VTI1A: variants seen among roughly 807,000 people sequenced by gnomAD.
The protein encoded by VTI1A is vesicle transport through interaction with t-SNAREs 1A.
In VTI1A, 22 loss-of-function variants were observed where a neutral mutation model predicts 34.9. The ratio of observed to expected loss-of-function variants is 0.63; its 90% CI spans 0.45 to 0.90. VTI1A has a LOEUF of 0.90. Ranked by LOEUF, VTI1A falls within the 40% of genes least tolerant of loss-of-function variation. VTI1A has a pLI of 0.00. For missense variants in VTI1A, 268 were observed against 275.6 expected, an observed-to-expected ratio of 0.97 and a Z score of 0.20; for synonymous variants, 87 against 97.3, an observed-to-expected ratio of 0.89 and a Z score of 0.62.
chr10:112,618,508 T>TAGAGAGAGAGAGAG (rs1360598727), intron 5 of VTI1A, among the ~76,000 whole-genome samples: 7 of 31,292 alleles, frequency 2.2e-4, no homozygotes, highest in Admixed American at 5.4e-4. Context: ...TATATATATA[T>TAGAGAGAGAGAGAG]ATATATATAT....
At chr10:112,661,672 G>C (rs1847456661) in intron 5 of VTI1A, among the ~76,000 whole-genome samples, 1 of 149,176 alleles carries the variant, frequency 6.7e-6, no homozygotes, top group Admixed American at 6.7e-5. Context: ...TTGGAAAGTT[G>C]TTCCATTGTG....
chr10:112,742,459 G>A (rs12217440), intron 7 of VTI1A, among the ~76,000 whole-genome samples: 22,963 of 152,198 alleles, frequency 0.15, 3,784 homozygotes, highest in African/African-American at 0.4. Flanking sequence ...TTGAGATGTG[G>A]TTGTATCCCT....
Position 112,680,848 on chromosome 10 carries a change from C to G in VTI1A, c.560+11850C>G, listed in dbSNP as rs1476348760. Among the ~76,000 whole-genome samples, 3 of 152,114 alleles carry G rather than the reference C, an allele frequency of 2.0e-5. 1 individual carries two copies. The highest frequency in any genetic ancestry group is 4.4e-5 in the Non-Finnish European group (3 of 68,032). ...CCCACATATGGCATTATGCCTCTTT[C>G]CTTCTCATGGCAGCTTCAAGGTAAT... On this transcript the variant is annotated intron_variant, in intron 7 of 7. Coordinates refer to ENST00000393077, the MANE Select transcript of VTI1A (RefSeq NM_145206.4).
At chr10:112,514,285 T>A (rs1849703737) in intron 3 of VTI1A, among the ~76,000 whole-genome samples, 1 of 151,948 alleles carries the variant, frequency 6.6e-6, no homozygotes, top group Admixed American at 6.6e-5. Flanking sequence ...ATTATCCAAT[T>A]TGTTGGCATA....
chr10:112,564,540 C>A (rs893208913), intron 5 of VTI1A, among the ~76,000 whole-genome samples: 2 of 151,970 alleles, frequency 1.3e-5, no homozygotes, highest in Admixed American at 1.3e-4. Context: ...TGCAACAGAG[C>A]CTGAGTTTTT....
chr10:112,541,419 G>A (rs1470095556), intron 5 of VTI1A, among the ~76,000 whole-genome samples: 1 of 152,086 alleles, frequency 6.6e-6, no homozygotes, highest in African/African-American at 2.4e-5. Context: ...ATATATTTAA[G>A]GGCTTAGAAA....
At chr10:112,603,307 A>G (rs1354113493) in intron 5 of VTI1A, among the ~76,000 whole-genome samples, 5 of 152,196 alleles carry the variant, frequency 3.3e-5, no homozygotes, top group African/African-American at 9.7e-5. Context: ...TCCCTTCAAG[A>G]AAGACTTGTC....
intron 7 of VTI1A, chr10:112,737,742 G>T: frequency 9.4e-7 from 1 of 1,059,062 alleles, no homozygotes; most frequent in East Asian, 5.2e-5. Context: ...CTCTCTGGCC[G>T]CCTTTCCTCT....
rs576818037 is a variant in VTI1A, at chr10:112,627,233, T to C, written c.428-40985T>C. On this transcript the variant is annotated intron_variant, in intron 5 of 7. Coordinates refer to ENST00000393077, the MANE Select transcript of VTI1A (RefSeq NM_145206.4). Reference sequence around the variant, plus strand: ...TTCTATTTTTAACAAACTGGACAGGTGCATGCATAGTTGAGAATGACCACC... The same window carrying C: ...TTCTATTTTTAACAAACTGGACAGGCGCATGCATAGTTGAGAATGACCACC... Among the ~76,000 whole-genome samples the C allele has an allele frequency of 9.9e-5, 15 of 152,254 alleles. No homozygotes were observed. In the South Asian group the frequency reaches 3.1e-3, roughly 32 times the overall value.
At chr10:112,683,485 T>C (rs1848290197) in intron 7 of VTI1A, among the ~76,000 whole-genome samples, 1 of 152,220 alleles carries the variant, frequency 6.6e-6, no homozygotes, top group African/African-American at 2.4e-5. Context: ...ATATTCTTTT[T>C]AAATCATATT....
intron 3 of VTI1A, among the ~76,000 whole-genome samples, chr10:112,513,307 G>T (rs1849675613): frequency 6.6e-6 from 1 of 151,928 alleles, no homozygotes; most frequent in African/African-American, 2.4e-5. Flanking sequence ...ATTGCAAATG[G>T]AATTGTTTTA....
chr10:112,754,003 G>A (rs749587149), intron 7 of VTI1A, among the ~76,000 whole-genome samples: 37 of 152,292 alleles, frequency 2.4e-4, no homozygotes, highest in African/African-American at 5.8e-4. Context: ...GATCCAGCAC[G>A]CAGACGTCTT....
Position 112,815,403 on chromosome 10 carries a change from T to C in VTI1A, c.*20T>C, listed in dbSNP as rs1853489167. 2 of 1,595,588 alleles carry C rather than the reference T, an allele frequency of 1.3e-6. No homozygotes were observed. Among genetic ancestry groups the C allele is most frequent in the African/African-American group, 2.7e-5 (2 of 74,500 alleles). ...CACTGATGTATCTGCTCTCCCTTGATAAACAGCAACAACAGCTTGTTCTGA... is the reference window on the plus strand; with the variant it reads ...CACTGATGTATCTGCTCTCCCTTGACAAACAGCAACAACAGCTTGTTCTGA... On this transcript the variant is annotated 3_prime_UTR_variant, in exon 8 of 8. Transcript: ENST00000393077.
At chr10:112,629,345 G>T (rs938188070) in intron 5 of VTI1A, among the ~76,000 whole-genome samples, 1 of 152,214 alleles carries the variant, frequency 6.6e-6, no homozygotes, top group Admixed American at 6.5e-5. Flanking sequence ...CAGAAAAAGA[G>T]ATTTTCCTCC....
At chr10:112,632,409 A>G (rs769493269) in intron 5 of VTI1A, among the ~76,000 whole-genome samples, 2 of 152,232 alleles carry the variant, frequency 1.3e-5, no homozygotes, top group African/African-American at 2.4e-5. Context: ...CCATTGAAGG[A>G]TAGACAGGAT....
chr10:112,848,059 AG>A, the VTI1A span, among the ~76,000 whole-genome samples: 1 of 152,220 alleles, frequency 6.6e-6, no homozygotes, highest in South Asian at 2.1e-4. Flanking sequence ...ATTTGGGGGT[AG>A]TTTTTTACAC....
At chr10:112,612,702 G>A (rs753009459) in intron 5 of VTI1A, among the ~76,000 whole-genome samples, 1 of 152,192 alleles carries the variant, frequency 6.6e-6, no homozygotes, top group Admixed American at 6.5e-5. Context: ...GGGATTATAG[G>A]CATGAGCCAC....
intron 1 of VTI1A, among the ~76,000 whole-genome samples, chr10:112,452,727 CT>C (rs1016909024): frequency 7.4e-5 from 11 of 149,464 alleles, no homozygotes; most frequent in Admixed American, 2.0e-4. Context: ...TGGCTTCAGT[CT>C]TTTGTTTTTG....
intron 3 of VTI1A, among the ~76,000 whole-genome samples, chr10:112,470,973 T>C (rs1254007760): frequency 1.3e-5 from 2 of 152,170 alleles, no homozygotes; most frequent in Non-Finnish European, 2.9e-5. Context: ...GTAAAGCCAA[T>C]ACGGGTCAGG....
Sources: allele counts gnomAD v4.1 joint callset (sites outside exome capture counted in the v4.1 genomes callset), GRCh38; gene constraint gnomAD v4.1.1; transcripts MANE v1.5; gene names NCBI Gene and HGNC (gene_info 2026-07-23, HGNC 2026-07-21).